CNTN4: variants seen among roughly 807,000 people sequenced by gnomAD.
CNTN4 encodes the protein contactin-4.
Under a neutral mutation model 122.5 loss-of-function variants are expected in CNTN4, and 77 were observed. The observed-to-expected ratio is 0.63, with a 90% CI of 0.52 to 0.76. The LOEUF (loss-of-function observed/expected upper bound fraction) is 0.76, where lower values mean the gene tolerates loss of function less well. CNTN4 is among the 30% of genes least tolerant of loss of function. CNTN4 has a pLI of 0.00. For missense variants in CNTN4, 1,256 were observed against 1,259.1 expected, an observed-to-expected ratio of 1.00 and a Z score of 0.04; for synonymous variants, 512 against 447.0, an observed-to-expected ratio of 1.15 and a Z score of -1.83.
At chr3:2,979,384 G>C (rs992595106) in intron 13 of CNTN4, among the ~76,000 whole-genome samples, 3 of 151,956 alleles carry the variant, frequency 2.0e-5, no homozygotes, top group Non-Finnish European at 1.5e-5. Flanking sequence ...AAAAGAGAGA[G>C]AAAAAAATAA....
chr3:2,520,742 A>T (rs995087673), intron 3 of CNTN4, among the ~76,000 whole-genome samples: 2 of 152,030 alleles, frequency 1.3e-5, no homozygotes, highest in Non-Finnish European at 2.9e-5. Flanking sequence ...TAGACATTCT[A>T]TCTGATAAAG....
rs371040197 is a variant in CNTN4, at chr3:2,917,118, G to T, written c.1208-8511G>T. On this transcript the variant is annotated intron_variant, in intron 12 of 24. Transcript: ENST00000418658. ...AGCTGGAGACCAGCCCGGCCAACAC[G>T]GCGAAACCCCGTCTCCACCAAAAAA... 5.3e-3 allele frequency among the ~76,000 whole-genome samples: 716 copies of T among 135,590 alleles called. 26 individuals carry two copies. The highest frequency in any genetic ancestry group is 0.02 in the African/African-American group (670 of 33,750). 89.0% of individuals were successfully genotyped at this position (135,590 alleles called of 152,430 possible). A position where few individuals can be genotyped will look rare whatever the true frequency, so the allele number is the denominator to read the frequency against.
chr3:2,886,639 G>A (rs1043327929), intron 9 of CNTN4, among the ~76,000 whole-genome samples: 1 of 151,052 alleles, frequency 6.6e-6, no homozygotes, highest in Admixed American at 6.6e-5. Flanking sequence ...AGCCTCTTGA[G>A]TAGCTCAGAT....
At chr3:2,977,417 C>T (rs1693522381) in intron 13 of CNTN4, among the ~76,000 whole-genome samples, 1 of 152,230 alleles carries the variant, frequency 6.6e-6, no homozygotes, top group East Asian at 1.9e-4. Flanking sequence ...TGCAGGCAGG[C>T]CCTAATCTTT....
chr3:2,548,100 A>G (rs1435481611), intron 3 of CNTN4, among the ~76,000 whole-genome samples: 1 of 152,062 alleles, frequency 6.6e-6, no homozygotes, highest in Non-Finnish European at 1.5e-5. Flanking sequence ...ATAGATTGCA[A>G]AAAATTTTCT....
At chr3:2,141,378 A>G (rs1179758968) in intron 2 of CNTN4, among the ~76,000 whole-genome samples, 1 of 152,134 alleles carries the variant, frequency 6.6e-6, no homozygotes, top group Non-Finnish European at 1.5e-5. Flanking sequence ...TTGAAGATGA[A>G]AGAGGACCAT....
chr3:2,616,637 T>G (rs1345079783), intron 4 of CNTN4, among the ~76,000 whole-genome samples: 3 of 152,112 alleles, frequency 2.0e-5, no homozygotes, highest in Non-Finnish European at 2.9e-5. Flanking sequence ...GTCACCAGCG[T>G]CTATTGTTTC....
chr3:2,565,966 A>C (rs1202177457), intron 3 of CNTN4, among the ~76,000 whole-genome samples: 1 of 152,212 alleles, frequency 6.6e-6, no homozygotes, highest in East Asian at 1.9e-4. Flanking sequence ...TGTTGTTCTT[A>C]CACTTAGGAG....
At chr3:2,760,695 T>G (rs950199513) in intron 6 of CNTN4, among the ~76,000 whole-genome samples, 1 of 152,200 alleles carries the variant, frequency 6.6e-6, no homozygotes, top group African/African-American at 2.4e-5. Context: ...CTACATTCCC[T>G]GCAAGCAAAA....
chr3:2,534,940 G>A (rs1192438389), intron 3 of CNTN4, among the ~76,000 whole-genome samples: 4 of 150,752 alleles, frequency 2.7e-5, no homozygotes, highest in Admixed American at 1.3e-4. Context: ...GTGTTGAGGA[G>A]ATGGGATTTT....
At chr3:2,426,652 C>A (rs2047845767) in intron 3 of CNTN4, among the ~76,000 whole-genome samples, 4 of 152,112 alleles carry the variant, frequency 2.6e-5, no homozygotes, top group Admixed American at 2.0e-4. Context: ...ATGGTACCAG[C>A]CCCTCTTTGT....
intron 2 of CNTN4, among the ~76,000 whole-genome samples, chr3:2,272,315 ATATT>A (rs1231863069): frequency 2.6e-5 from 4 of 152,114 alleles, no homozygotes; most frequent in Admixed American, 6.6e-5. Flanking sequence ...TTTACTCCAC[ATATT>A]TATTTATGAA....
At chr3:2,416,788 G>A (rs1559533501) in intron 3 of CNTN4, among the ~76,000 whole-genome samples, 1 of 152,164 alleles carries the variant, frequency 6.6e-6, no homozygotes, top group South Asian at 2.1e-4. Flanking sequence ...CGAGTAGCTG[G>A]GACTACAGGC....
chr3:2,865,707 G>C lies in CNTN4; in HGVS notation c.455-1045G>C, dbSNP rs554203178. Among the ~76,000 whole-genome samples the C allele has an allele frequency of 3.9e-5, 6 of 152,308 alleles. No individual in the cohort carries two copies. In the South Asian group the frequency reaches 1.0e-3, roughly 26 times the overall value. On this transcript the variant is annotated intron_variant, in intron 7 of 24. Transcript: ENST00000418658. ...AAAGAGAGGAATCGTGGAATGCCTGGAGCTGAAGCAGTTTGATTTCCTTGG... is the reference window on the plus strand; with the variant it reads ...AAAGAGAGGAATCGTGGAATGCCTGCAGCTGAAGCAGTTTGATTTCCTTGG...
chr3:2,123,226 A>G (rs910849400), intron 2 of CNTN4, among the ~76,000 whole-genome samples: 2 of 152,206 alleles, frequency 1.3e-5, no homozygotes, highest in African/African-American at 2.4e-5. Context: ...CAAAATGGGA[A>G]TAACTATCCT....
chr3:2,552,386 T>G (rs1231627336), intron 3 of CNTN4, among the ~76,000 whole-genome samples: 1 of 152,154 alleles, frequency 6.6e-6, no homozygotes, highest in Middle Eastern at 3.2e-3. Context: ...AAAATACAGA[T>G]ACCACCAGAA....
At chr3:2,283,511 A>G (rs1177772204) in intron 2 of CNTN4, among the ~76,000 whole-genome samples, 1 of 152,148 alleles carries the variant, frequency 6.6e-6, no homozygotes, top group Non-Finnish European at 1.5e-5. Context: ...AGTACATGCC[A>G]TATAATGGGA....
intron 2 of CNTN4, among the ~76,000 whole-genome samples, chr3:2,104,683 G>A (rs146489727): frequency 3.5e-4 from 54 of 152,230 alleles, no homozygotes; most frequent in South Asian, 2.7e-3. Context: ...CAGTCACTTC[G>A]ACATCCTTTG....
At chr3:2,723,896 G>A (rs972063602) in intron 4 of CNTN4, among the ~76,000 whole-genome samples, 3 of 152,066 alleles carry the variant, frequency 2.0e-5, no homozygotes, top group Admixed American at 6.6e-5. Flanking sequence ...CTCTTATAAC[G>A]GTGGCCTGTC....
Sources: gnomAD v4.1 joint callset for allele counts (sites outside exome capture counted in the v4.1 genomes callset) on GRCh38, gnomAD v4.1.1 for gene constraint, MANE v1.5 for transcripts, NCBI Gene and HGNC (gene_info 2026-07-23, HGNC 2026-07-21) for gene names.